The following CNTN1 variants were observed in gnomAD, a reference collection of about 807,000 sequenced individuals.
CNTN1 encodes contactin 1.
A neutral mutation model predicts 126.4 loss-of-function variants in CNTN1; 38 were observed. That is an observed-to-expected ratio of 0.30 (90% confidence interval 0.23 to 0.39). CNTN1 has a LOEUF of 0.39. CNTN1 is among the 10% of genes least tolerant of loss of function. The probability of loss-of-function intolerance (pLI) is 1.00; values close to 1 mark genes in which losing one functional copy is unlikely to be tolerated. For missense variants in CNTN1, 1,009 were observed against 1,248.4 expected, an observed-to-expected ratio of 0.81 and a Z score of 2.89; for synonymous variants, 413 against 422.6, an observed-to-expected ratio of 0.98 and a Z score of 0.28.
intron 17 of CNTN1, 141 bp from the exon 18 acceptor site, chr12:41,014,087 T>C (rs1948726785): frequency 2.8e-6 from 2 of 713,176 alleles, no homozygotes; most frequent in East Asian, 5.5e-5. Context: ...TATAATTGAG[T>C]GGATCATTTG....
intron 23 of CNTN1, among the ~76,000 whole-genome samples, chr12:41,057,723 G>A (rs1949856446): frequency 6.6e-6 from 1 of 152,016 alleles, no homozygotes; most frequent in Non-Finnish European, 1.5e-5. Flanking sequence ...AGAAGATTAA[G>A]TTTGTGGTCT....
chr12:40,876,252 G>A (rs1221516833), intron 1 of CNTN1, among the ~76,000 whole-genome samples: 1 of 151,854 alleles, frequency 6.6e-6, no homozygotes, highest in Non-Finnish European at 1.5e-5. Context: ...ACCAGACACG[G>A]CATGTGAGAA....
intron 23 of CNTN1, among the ~76,000 whole-genome samples, chr12:41,061,091 C>G (rs748127202): frequency 1.1e-4 from 17 of 152,132 alleles, no homozygotes; most frequent in Non-Finnish European, 2.5e-4. Flanking sequence ...ATTGTCTCAC[C>G]TCAAGTCTCA....
At chr12:40,720,553 A>T (rs941677204) in intron 1 of CNTN1, among the ~76,000 whole-genome samples, 2 of 152,212 alleles carry the variant, frequency 1.3e-5, no homozygotes, top group African/African-American at 4.8e-5. Flanking sequence ...AAATGCAAAG[A>T]CAATACAGTA....
At chr12:40,885,906 C>A (rs1944012263) in intron 1 of CNTN1, among the ~76,000 whole-genome samples, 1 of 151,960 alleles carries the variant, frequency 6.6e-6, no homozygotes, top group South Asian at 2.1e-4. Context: ...CTTTTCATTT[C>A]TTGTACTGAT....
intron 1 of CNTN1, among the ~76,000 whole-genome samples, chr12:40,897,103 C>T (rs1011626331): frequency 4.6e-5 from 7 of 152,130 alleles, no homozygotes; most frequent in African/African-American, 1.7e-4. Flanking sequence ...ATGCCTAACA[C>T]ATAAAAGTAT....
At chr12:40,885,075 G>A (rs1943984872) in intron 1 of CNTN1, among the ~76,000 whole-genome samples, 1 of 151,528 alleles carries the variant, frequency 6.6e-6, no homozygotes, top group African/African-American at 2.4e-5. Context: ...TTATTGAGTC[G>A]TATTTCATAT....
chr12:41,040,559 T>C (rs537278300), intron 23 of CNTN1, among the ~76,000 whole-genome samples: 1,719 of 152,244 alleles, frequency 0.011, 29 homozygotes, highest in African/African-American at 0.039. Flanking sequence ...TGGAATGTTC[T>C]TCCATTTCTT....
At position 41,027,927 on chromosome 12, in the gene CNTN1, T is replaced by C. The variant is rs1949068550; in HGVS notation, c.2781T>C (p.His927=). Residue 927 remains histidine (H), a synonymous_variant, in exon 22 of 24, where the codon CAT becomes CAC. Coordinates refer to ENST00000551295, the MANE Select transcript of CNTN1 (RefSeq NM_001843.4). ...SGSRYIITWD[H]VVALSNESTV... is the part of the protein sequence containing the mutation. Reference sequence around the variant, plus strand: ...CACGCTATATAATCACCTGGGATCATGTCGTTGCACTATCAAATGAATCTA... The same window carrying C: ...CACGCTATATAATCACCTGGGATCACGTCGTTGCACTATCAAATGAATCTA... 6.2e-7 allele frequency: 1 copy of C among 1,613,374 alleles called. No homozygotes were observed. Among genetic ancestry groups the C allele is most frequent in the East Asian group, 2.2e-5 (1 of 44,860 alleles).
At chr12:40,964,124 C>T (rs1224938723) in intron 15 of CNTN1, among the ~76,000 whole-genome samples, 2 of 152,090 alleles carry the variant, frequency 1.3e-5, no homozygotes, top group African/African-American at 4.8e-5. Context: ...GAACACTTTC[C>T]TGCCACCTGG....
chr12:41,038,522 C>G (rs1592442465), intron 23 of CNTN1, among the ~76,000 whole-genome samples: 1 of 152,118 alleles, frequency 6.6e-6, no homozygotes, highest in South Asian at 2.1e-4. Context: ...TTGCTTTAGA[C>G]CCACTCTAAT....
intron 15 of CNTN1, among the ~76,000 whole-genome samples, chr12:40,967,740 A>T (rs916332359): frequency 6.6e-6 from 1 of 152,150 alleles, no homozygotes; most frequent in Non-Finnish European, 1.5e-5. Context: ...CAAGTCTCGA[A>T]GAATATGAAT....
At chr12:40,732,902 ACT>A (rs975978004) in intron 1 of CNTN1, among the ~76,000 whole-genome samples, 1 of 151,916 alleles carries the variant, frequency 6.6e-6, no homozygotes, top group African/African-American at 2.4e-5. Context: ...ATTTTTTATT[ACT>A]CTCTCTCCTT....
intron 15 of CNTN1, chr12:40,972,223 A>G (rs1177542129): frequency 2.0e-6 from 2 of 985,252 alleles, no homozygotes; most frequent in Non-Finnish European, 1.2e-6. Flanking sequence ...GACTCCTGCC[A>G]TCAGCTTTTG....
In CNTN1 at chr12:41,016,756, A is replaced by C; in HGVS notation, c.2259A>C (p.Glu753Asp). The C allele has an allele frequency of 6.2e-7, 1 of 1,614,172 alleles. No individual in the cohort carries two copies. Among genetic ancestry groups the C allele is most frequent in the Non-Finnish European group, 8.5e-7 (1 of 1,180,012 alleles). Residue 753 changes from glutamate (E) to aspartate (D), a missense_variant, in exon 19 of 24, where the codon GAA (glutamate) becomes GAC (aspartate). Glu to Asp is a conservative substitution (Grantham distance 45). Coordinates refer to ENST00000551295, the MANE Select transcript of CNTN1 (RefSeq NM_001843.4). The part of the protein sequence containing the change: ...IVAFKPFDGE[E>D]WKKVTVTNPD... ...CATTTAAGCCATTTGATGGAGAAGA[A>C]TGGAAAAAAGTCACAGTTACTAATC...
intron 1 of CNTN1, among the ~76,000 whole-genome samples, chr12:40,711,351 C>T (rs895088866): frequency 6.6e-6 from 1 of 152,132 alleles, no homozygotes; most frequent in African/African-American, 2.4e-5. Context: ...AAAATCTCTT[C>T]CACCCAATTT....
chr12:40,883,635 A>G (rs1311549486), intron 1 of CNTN1, among the ~76,000 whole-genome samples: 2 of 151,528 alleles, frequency 1.3e-5, no homozygotes, highest in African/African-American at 2.4e-5. Flanking sequence ...GAACTCCCCT[A>G]CAGAGCTGTC....
In CNTN1 at chr12:40,757,266, G is replaced by C. The variant is rs184802921; in HGVS notation, c.-77+64674G>C. Among the ~76,000 whole-genome samples, 547 of 122,032 alleles carry C rather than the reference G, an allele frequency of 4.5e-3. 6 individuals carry two copies. The highest frequency in any genetic ancestry group is 0.016 in the African/African-American group (530 of 32,454). 80.1% of individuals were successfully genotyped at this position (122,032 alleles called of 152,430 possible). A position where few individuals can be genotyped will look rare whatever the true frequency, so the allele number is the denominator to read the frequency against. On this transcript the variant is annotated intron_variant, in intron 1 of 23. Coordinates refer to ENST00000551295, the MANE Select transcript of CNTN1 (RefSeq NM_001843.4). ...CTAATGCCATCACGTTAGGGGTGAGGGTTTCAATATTTGAGTTTGGGAAGG... is the reference window on the plus strand; with the variant it reads ...CTAATGCCATCACGTTAGGGGTGAGCGTTTCAATATTTGAGTTTGGGAAGG...
rs577059595 is a variant in CNTN1 at position 40,765,008 on chromosome 12, G to A, written c.-77+72416G>A. ...AAAATATTTGTAAAATGTTCCATAAGCACTTGAAAATAATGTGTTTTTGTA... is the reference window on the plus strand; with the variant it reads ...AAAATATTTGTAAAATGTTCCATAAACACTTGAAAATAATGTGTTTTTGTA... On this transcript the variant is annotated intron_variant, in intron 1 of 23. Coordinates refer to ENST00000551295, the MANE Select transcript of CNTN1 (RefSeq NM_001843.4). 1.8e-4 allele frequency among the ~76,000 whole-genome samples: 27 copies of A among 151,816 alleles called. No individual in the cohort carries two copies. The South Asian group carries it at 3.5e-3, about 20-fold the overall frequency.
Sources: gnomAD v4.1 joint callset for allele counts (sites outside exome capture counted in the v4.1 genomes callset) on GRCh38, gnomAD v4.1.1 for gene constraint, MANE v1.5 for transcripts, NCBI Gene and HGNC (gene_info 2026-07-23, HGNC 2026-07-21) for gene names.